KALRN: variants seen among roughly 807,000 people sequenced by gnomAD.
KALRN encodes the protein kalirin RhoGEF kinase.
A neutral mutation model predicts 353.7 loss-of-function variants in KALRN; 70 were observed. That is an observed-to-expected ratio of 0.20 (90% CI 0.16 to 0.24). KALRN has a LOEUF of 0.24. Ranked by LOEUF, KALRN falls within the 10% of genes least tolerant of loss-of-function variation. The pLI, the probability that KALRN is intolerant of heterozygous loss-of-function variation, is 1.00. For missense variants in KALRN, 2,791 were observed against 3,756.7 expected, an observed-to-expected ratio of 0.74 and a Z score of 6.72; for synonymous variants, 1,391 against 1,434.8, an observed-to-expected ratio of 0.97 and a Z score of 0.69.
rs1315906215 is a variant in KALRN, at chr3:124,713,125, A to G, written c.8266A>G (p.Ile2756Val). The G allele has an allele frequency of 3.7e-6, 6 of 1,613,130 alleles. No homozygotes were observed. The highest frequency in any genetic ancestry group is 4.2e-6 in the Non-Finnish European group (5 of 1,179,522). Residue 2756 changes from isoleucine (I) to valine (V), a missense_variant, in exon 58 of 60, where the codon ATC becomes GTC. By Grantham distance (29) the Ile-to-Val change is conservative (BLOSUM62 3). Transcript: ENST00000682506. ...TGAGTCCCCCACATCCTACATCCTG[A>G]TCTTGGAACTGTAAGTACAGACGCC... is the stretch of plus-strand genomic sequence containing the variant. ...TYESPTSYIL[I>V]LELMDDGRLL...
intron 21 of KALRN, among the ~76,000 whole-genome samples, chr3:124,447,479 A>G (rs775468077): frequency 6.6e-6 from 1 of 152,206 alleles, no homozygotes; most frequent in East Asian, 1.9e-4. Flanking sequence ...CCTGATTTTC[A>G]TCTGTTTTCA....
intron 38 of KALRN, among the ~76,000 whole-genome samples, chr3:124,653,135 A>G (rs1202239771): frequency 6.6e-6 from 1 of 152,150 alleles, no homozygotes; most frequent in Non-Finnish European, 1.5e-5. Context: ...GTCTTGATGA[A>G]AGGGTGTTGT....
At chr3:124,129,761 T>A (rs2065078837) in intron 1 of KALRN, among the ~76,000 whole-genome samples, 1 of 152,222 alleles carries the variant, frequency 6.6e-6, no homozygotes, top group African/African-American at 2.4e-5. Context: ...TCTGTTTTCA[T>A]TCCCCAGGAA....
intron 6 of KALRN, among the ~76,000 whole-genome samples, chr3:124,316,928 C>G (rs1463173128): frequency 6.6e-6 from 1 of 152,206 alleles, no homozygotes; most frequent in African/African-American, 2.4e-5. Flanking sequence ...AAAGAGTTGC[C>G]TTAATCTTGA....
At chr3:124,439,194 TCTCTCTCACA>T (rs2093587286) in intron 18 of KALRN, among the ~76,000 whole-genome samples, 157 bp downstream of exon 18, 2 of 76,904 alleles carry the variant, frequency 2.6e-5, no homozygotes, top group Admixed American at 2.9e-4. Flanking sequence ...TCCTTCTCTC[TCTCTCTCACA>T]CACACACACA....
chr3:124,160,273 C>A (rs1409988981), intron 1 of KALRN, among the ~76,000 whole-genome samples: 1 of 151,870 alleles, frequency 6.6e-6, no homozygotes, highest in Admixed American at 6.6e-5. Flanking sequence ...CTCAGGGCAG[C>A]CTCAGGATGA....
chr3:124,084,976 CA>C (rs1252789091), intron 1 of KALRN, among the ~76,000 whole-genome samples: 1 of 152,196 alleles, frequency 6.6e-6, no homozygotes, highest in Non-Finnish European at 1.5e-5. Flanking sequence ...CACATCTTCA[CA>C]GTCTTCTGAT....
chr3:124,534,797 A>G (rs1442373504), intron 33 of KALRN, among the ~76,000 whole-genome samples: 2 of 152,164 alleles, frequency 1.3e-5, no homozygotes, highest in Admixed American at 6.6e-5. Context: ...AATTTTTTTA[A>G]TGGGCAAAAT....
intron 23 of KALRN, among the ~76,000 whole-genome samples, chr3:124,458,275 CAAAAAAAA>C (rs35854921): frequency 3.6e-5 from 3 of 83,138 alleles, no homozygotes; most frequent in Admixed American, 1.4e-4. Flanking sequence ...GACTCTGTCT[CAAAAAAAA>C]AAAAAAAAAA....
At chr3:124,165,634 G>A (rs1349821185) in intron 1 of KALRN, among the ~76,000 whole-genome samples, 2 of 152,122 alleles carry the variant, frequency 1.3e-5, no homozygotes, top group Non-Finnish European at 2.9e-5. Flanking sequence ...AGACTTTCTC[G>A]AGCCCCTCCC....
intron 33 of KALRN, among the ~76,000 whole-genome samples, chr3:124,527,611 A>AAG (rs2067701821): frequency 6.7e-6 from 1 of 148,830 alleles, no homozygotes; most frequent in South Asian, 2.1e-4. Flanking sequence ...AAAAAAAAAA[A>AAG]AAGAAGAAGA....
chr3:124,671,528 G>T, intron 47 of KALRN, 132 bp from the exon 48 acceptor site: 1 of 667,896 alleles, frequency 1.5e-6, no homozygotes, highest in Non-Finnish European at 2.7e-6. Flanking sequence ...TTCTCCCATT[G>T]CCTTAAAAAC....
intron 39 of KALRN, 32 bp downstream of exon 39, chr3:124,655,699 C>T (rs1463077630): frequency 1.1e-5 from 18 of 1,566,434 alleles, no homozygotes; most frequent in Non-Finnish European, 1.6e-5. Flanking sequence ...GGTCTGTGGT[C>T]ACCCAACCAG....
At position 124,714,754 on chromosome 3, in the gene KALRN, G is replaced by A. The variant is rs115703187; in HGVS notation, c.8276+1619G>A. On this transcript the variant is annotated intron_variant, in intron 58 of 59. Coordinates refer to ENST00000682506, the MANE Select transcript of KALRN (RefSeq NM_001388419.1). The stretch of plus-strand genomic sequence containing the variant: ...AAAAGGGCTGGGCACGATGGCTCAC[G>A]CCTGTAATTCTAGCACTTTGAGAGG... Among the ~76,000 whole-genome samples, 288 of 152,314 alleles carry A rather than the reference G, an allele frequency of 1.9e-3. 3 individuals are homozygous for A. Among genetic ancestry groups the A allele is most frequent in the African/African-American group, 6.8e-3 (283 of 41,576 alleles).
intron 5 of KALRN, among the ~76,000 whole-genome samples, chr3:124,269,624 C>T (rs946499163): frequency 1.3e-5 from 2 of 152,182 alleles, no homozygotes; most frequent in African/African-American, 4.8e-5. Flanking sequence ...GCCCCGAGTG[C>T]CTGCAATGAG....
intron 5 of KALRN, among the ~76,000 whole-genome samples, chr3:124,294,520 C>CTGTTTTTT (rs2076686264): frequency 1.4e-5 from 1 of 73,894 alleles, no homozygotes; most frequent in African/African-American, 5.1e-5. Flanking sequence ...AGATTCTCTT[C>CTGTTTTTT]TTTTTTTTTT....
chr3:124,647,082 A>G (rs1036245922), intron 37 of KALRN, among the ~76,000 whole-genome samples: 2 of 151,880 alleles, frequency 1.3e-5, no homozygotes, highest in African/African-American at 2.4e-5. Flanking sequence ...TAATTTTTTT[A>G]TTTAATAGAG....
chr3:124,361,516 AT>A (rs531765033), intron 10 of KALRN, among the ~76,000 whole-genome samples: 3 of 152,318 alleles, frequency 2.0e-5, no homozygotes, highest in African/African-American at 7.2e-5. Flanking sequence ...GGCATTTTTA[AT>A]ATTAAAACTT....
At chr3:124,451,138 G>T (rs1560983761) in intron 21 of KALRN, among the ~76,000 whole-genome samples, 1 of 151,926 alleles carries the variant, frequency 6.6e-6, no homozygotes, top group Non-Finnish European at 1.5e-5. Context: ...TTACTATCAA[G>T]AAGACAAAAT....
Sources: gnomAD v4.1 joint callset for allele counts (sites outside exome capture counted in the v4.1 genomes callset) on GRCh38, gnomAD v4.1.1 for gene constraint, MANE v1.5 for transcripts, NCBI Gene and HGNC (gene_info 2026-07-23, HGNC 2026-07-21) for gene names.